Variants in PPP2R1A observed in about 807,000 individuals in gnomAD.
PPP2R1A encodes the protein serine/threonine-protein phosphatase 2A 65 kDa regulatory subunit A alpha isoform.
In PPP2R1A, 15 loss-of-function variants were observed where a neutral mutation model predicts 67.1. That is an observed-to-expected ratio of 0.22 (90% CI 0.15 to 0.34). The LOEUF is 0.34. Ranked by LOEUF, PPP2R1A falls within the 10% of genes least tolerant of loss-of-function variation. PPP2R1A has a pLI of 1.00. For synonymous variants in PPP2R1A, 337 were observed against 325.0 expected, an observed-to-expected ratio of 1.04 and a Z score of -0.40; for missense variants, 369 against 775.0, an observed-to-expected ratio of 0.48 and a Z score of 6.22.
At chr19:52,200,034 T>A (rs763286211) in intron 1 of PPP2R1A, among the ~76,000 whole-genome samples, 1 of 152,334 alleles carries the variant, frequency 6.6e-6, no homozygotes, top group Middle Eastern at 3.4e-3. Context: ...CTTCAACTCC[T>A]GGACCGGAGA....
At chr19:52,196,804 C>G (rs892326984) in intron 1 of PPP2R1A, among the ~76,000 whole-genome samples, 6 of 152,116 alleles carry the variant, frequency 3.9e-5, no homozygotes, top group Admixed American at 1.3e-4. Flanking sequence ...CTCCGTGTCC[C>G]CCAGGTTACC....
intron 3 of PPP2R1A, among the ~76,000 whole-genome samples, chr19:52,207,386 G>A (rs541464736): frequency 6.6e-6 from 1 of 152,262 alleles, no homozygotes; most frequent in East Asian, 1.9e-4. Context: ...TTCAACAAGG[G>A]CCCCCAGGGT....
At chr19:52,196,449 T>C (rs1306982412) in intron 1 of PPP2R1A, among the ~76,000 whole-genome samples, 6 of 152,144 alleles carry the variant, frequency 3.9e-5, no homozygotes, top group Non-Finnish European at 5.9e-5. Context: ...TCTGCTGTCC[T>C]AGTGGAACTG....
chr19:52,216,725 G>T lies in PPP2R1A; in HGVS notation c.1128+62G>T. 1 of 1,609,338 alleles carries T rather than the reference G, an allele frequency of 6.2e-7. No individual in the cohort carries two copies. The highest frequency in any genetic ancestry group is 8.5e-7 in the Non-Finnish European group (1 of 1,176,450). On this transcript the variant is annotated intron_variant, in intron 9 of 14. Coordinates refer to ENST00000322088, the MANE Select transcript of PPP2R1A (RefSeq NM_014225.6). This position sits in a 1 kb window ranked among gnomAD's most constrained non-coding sequence, Gnocchi z 4.3. Reference sequence around the variant, plus strand: ...GGGGACAGGCGGGTCTTCCTAGATTGCTAGGGTTTACCTAGATTGACCAGG... The same window carrying T: ...GGGGACAGGCGGGTCTTCCTAGATTTCTAGGGTTTACCTAGATTGACCAGG...
intron 1 of PPP2R1A, among the ~76,000 whole-genome samples, chr19:52,193,785 G>A (rs2089474771): frequency 6.6e-6 from 1 of 151,918 alleles, no homozygotes; most frequent in South Asian, 2.1e-4. Flanking sequence ...GGCCAGGCTG[G>A]TCTCAAACTC....
intron 1 of PPP2R1A, among the ~76,000 whole-genome samples, chr19:52,192,298 C>CTT (rs60482392): frequency 6.9e-6 from 1 of 144,356 alleles, no homozygotes. Context: ...ATGTAATGGC[C>CTT]TTTTTTTTTT....
At chr19:52,220,382 C>T in intron 11 of PPP2R1A, 133 bp downstream of exon 11, 4 of 940,812 alleles carry the variant, frequency 4.3e-6, no homozygotes, top group Non-Finnish European at 6.7e-6. Flanking sequence ...TATGGACCAG[C>T]TCGCATGCTT....
At chr19:52,203,608 A>G (rs1407852390) in intron 2 of PPP2R1A, among the ~76,000 whole-genome samples, 2 of 152,190 alleles carry the variant, frequency 1.3e-5, no homozygotes, top group African/African-American at 2.4e-5. Context: ...CAATCATAAC[A>G]CAGAACATGA....
At position 52,223,170 on chromosome 19, in the gene PPP2R1A, T is replaced by C. The variant is rs111425244; in HGVS notation, c.1661+929T>C. ...GCATCTCTGCAGTTCAGTGGAGAAA[T>C]GTATGTTTTTTAAAAAACATAGCTG... On this transcript the variant is annotated intron_variant, in intron 13 of 14. Transcript: ENST00000322088. Among the ~76,000 whole-genome samples the C allele has an allele frequency of 4.9e-3, 742 of 152,276 alleles. 7 individuals carry two copies. Among genetic ancestry groups the C allele is most frequent in the African/African-American group, 0.017 (705 of 41,524 alleles).
chr19:52,193,600 T>C (rs1253307304), intron 1 of PPP2R1A, among the ~76,000 whole-genome samples: 1 of 152,160 alleles, frequency 6.6e-6, no homozygotes. Context: ...ATTTTATTTT[T>C]TTTGAGACAG....
At chr19:52,220,430 G>C (rs544018366) in intron 11 of PPP2R1A, among the ~76,000 whole-genome samples, 181 bp downstream of exon 11, 12 of 152,242 alleles carry the variant, frequency 7.9e-5, no homozygotes, top group Admixed American at 2.0e-4. Flanking sequence ...GGAGGAGGAC[G>C]AAACAGATCA....
chr19:52,220,058 A>G, intron 10 of PPP2R1A, 131 bp from the exon 11 acceptor site: 1 of 1,233,700 alleles, frequency 8.1e-7, no homozygotes, highest in Non-Finnish European at 1.2e-6. Context: ...GAGGGAAAGG[A>G]GCACCTCAGA....
intron 11 of PPP2R1A, 117 bp from the exon 12 acceptor site, chr19:52,220,862 C>T: frequency 8.1e-7 from 1 of 1,236,266 alleles, no homozygotes; most frequent in Non-Finnish European, 1.2e-6. Flanking sequence ...CTTTGGCTCA[C>T]ATGCAGCCTG....
intron 1 of PPP2R1A, among the ~76,000 whole-genome samples, chr19:52,195,555 G>A (rs1044432632): frequency 1.3e-5 from 2 of 152,120 alleles, no homozygotes; most frequent in Non-Finnish European, 2.9e-5. Context: ...CTTGGCCCTC[G>A]CCTTCAGTTG....
At position 52,213,179 on chromosome 19, in the gene PPP2R1A, G is replaced by T; in HGVS notation, c.807+69G>T. The T allele has an allele frequency of 6.8e-7, 1 of 1,474,258 alleles. No homozygotes were observed. The highest frequency in any genetic ancestry group is 1.4e-5 in the South Asian group (1 of 70,256). The allele number at this position is 1,474,258 out of a possible 1,614,324, so 91.3% of individuals were successfully genotyped here. ...GACACTCTCAGAAGGGAAGCATATAGGAGCTGAGGTTTCCATTAGGCCGAT... is the reference window on the plus strand; with the variant it reads ...GACACTCTCAGAAGGGAAGCATATATGAGCTGAGGTTTCCATTAGGCCGAT... On this transcript the variant is annotated intron_variant, in intron 6 of 14. Coordinates refer to ENST00000322088, the MANE Select transcript of PPP2R1A (RefSeq NM_014225.6). This position sits in a 1 kb window ranked among gnomAD's most constrained non-coding sequence, Gnocchi z 4.2.
rs1214085678 is a variant in PPP2R1A, at chr19:52,225,818, A to G, written c.1753+10A>G. ...CAGGAGGCTCTGACTGGTAAGACCT[A>G]GAAAGCACGGAGCCCTAGCAGGAGG... On this transcript the variant is annotated intron_variant, in intron 14 of 14. Transcript: ENST00000322088. 6 of 1,613,514 alleles carry G rather than the reference A, an allele frequency of 3.7e-6. No homozygotes were observed. Among genetic ancestry groups the G allele is most frequent in the African/African-American group, 1.3e-5 (1 of 74,922 alleles).
chr19:52,225,656 AC>A, intron 13 of PPP2R1A, 60 bp from the exon 14 acceptor site: 1 of 1,503,588 alleles, frequency 6.7e-7, no homozygotes, highest in African/African-American at 1.4e-5. Flanking sequence ...CCCTGTGCCC[AC>A]CTGTTGCCCC....
Position 52,192,406 on chromosome 19 carries a change from C to T in PPP2R1A, c.78+2232C>T, listed in dbSNP as rs1410609593. On this transcript the variant is annotated intron_variant, in intron 1 of 14. Transcript: ENST00000322088. ...CACTGCAACCTCCACCTCCCGGGTT[C>T]AAGCAATTCTCCTGCCTCAGCCTCT... Among the ~76,000 whole-genome samples, 3 of 151,830 alleles carry T rather than the reference C, an allele frequency of 2.0e-5. No individual in the cohort carries two copies. The East Asian group carries it at 5.8e-4, about 29-fold the overall frequency.
chr19:52,194,330 G>C lies in PPP2R1A; in HGVS notation c.78+4156G>C, dbSNP rs116747126. ...CGTTCAAAGCACAGCAAAAAGGCCA[G>C]TGTGACTGAGGCAGAGAGAATGGCA... On this transcript the variant is annotated intron_variant, in intron 1 of 14. Transcript: ENST00000322088. Among the ~76,000 whole-genome samples the C allele has an allele frequency of 1.0e-2, 1,522 of 152,262 alleles. 28 individuals are homozygous for C. Among genetic ancestry groups the C allele is most frequent in the African/African-American group, 0.035 (1,461 of 41,536 alleles).
Sources: allele counts gnomAD v4.1 joint callset (sites outside exome capture counted in the v4.1 genomes callset), GRCh38; gene constraint gnomAD v4.1.1; non-coding constraint Gnocchi (gnomAD v3.1); transcripts MANE v1.5; gene names NCBI Gene and HGNC (gene_info 2026-07-23, HGNC 2026-07-21).